The following LHFPL3 variants were observed in gnomAD, a reference collection of about 807,000 sequenced individuals.
The protein encoded by LHFPL3 is LHFPL tetraspan subfamily member 3 protein.
Under a neutral mutation model 19.3 loss-of-function variants are expected in LHFPL3, and 5 were observed. The ratio of observed to expected loss-of-function variants is 0.26; its 90% CI spans 0.14 to 0.54. LHFPL3 has a LOEUF of 0.54. Among genes scored for constraint, LHFPL3 ranks in the 20% least tolerant of loss-of-function variants. The pLI, the probability that LHFPL3 is intolerant of heterozygous loss-of-function variation, is 0.94. For synonymous variants in LHFPL3, 133 were observed against 126.2 expected, an observed-to-expected ratio of 1.05 and a Z score of -0.36; for missense variants, 249 against 307.4, an observed-to-expected ratio of 0.81 and a Z score of 1.42.
rs79368747 is a variant in LHFPL3, at chr7:104,716,813, T to C, written c.446-19862T>C. 4.6e-3 allele frequency among the ~76,000 whole-genome samples: 701 copies of C among 152,186 alleles called. 31 individuals carry two copies. In the East Asian group the frequency reaches 0.1, roughly 22 times the overall value. ...TCCCAGTGGCATTTTTTTACAAAAA[T>C]AGAAAAACCACTTATACAATTCACA... On this transcript the variant is annotated intron_variant, in intron 1 of 2. Coordinates refer to ENST00000424859, the MANE Select transcript of LHFPL3 (RefSeq NM_199000.3).
At chr7:104,548,665 A>G (rs1234478430) in intron 1 of LHFPL3, among the ~76,000 whole-genome samples, 2 of 152,226 alleles carry the variant, frequency 1.3e-5, no homozygotes, top group Non-Finnish European at 1.5e-5. Flanking sequence ...AAGGAGGGCT[A>G]TAGCTTGGCC....
chr7:104,738,054 C>G (rs4236574), intron 2 of LHFPL3, among the ~76,000 whole-genome samples: 46,389 of 151,948 alleles, frequency 0.31, 7,999 homozygotes, highest in East Asian at 0.77. Context: ...AGCAGCCCAG[C>G]AGAGCAGCAG....
chr7:104,668,472 C>A (rs1445964235), intron 1 of LHFPL3: 7 of 1,612,376 alleles, frequency 4.3e-6, no homozygotes. Flanking sequence ...GGATGGCCCA[C>A]GCCGGGATAT....
At chr7:104,864,929 T>C (rs1435398925) in intron 2 of LHFPL3, among the ~76,000 whole-genome samples, 2 of 152,178 alleles carry the variant, frequency 1.3e-5, no homozygotes, top group African/African-American at 4.8e-5. Context: ...ATATCCGCTG[T>C]TCTGCAGCCT....
chr7:104,697,980 G>C (rs1793028669), intron 1 of LHFPL3, among the ~76,000 whole-genome samples: 1 of 152,018 alleles, frequency 6.6e-6, no homozygotes, highest in Non-Finnish European at 1.5e-5. Flanking sequence ...TTATTCCCAG[G>C]TTTTCATGTT....
chr7:104,412,494 A>AATCATACTCACACATTATAGAG (rs1228049041), intron 1 of LHFPL3, among the ~76,000 whole-genome samples: 1 of 152,120 alleles, frequency 6.6e-6, no homozygotes, highest in African/African-American at 2.4e-5. Flanking sequence ...CAGATAGTGA[A>AATCATACTCACACATTATAGAG]ATCATACTCA....
intron 1 of LHFPL3, among the ~76,000 whole-genome samples, chr7:104,488,111 A>G (rs940223138): frequency 2.0e-5 from 3 of 152,104 alleles, no homozygotes; most frequent in Non-Finnish European, 4.4e-5. Flanking sequence ...AACGTCAGAA[A>G]ATGTATTTTT....
At chr7:104,730,731 C>A (rs1436146932) in intron 1 of LHFPL3, among the ~76,000 whole-genome samples, 1 of 152,202 alleles carries the variant, frequency 6.6e-6, no homozygotes, top group African/African-American at 2.4e-5. Flanking sequence ...TTTTGCTGTG[C>A]AGAAGCTCTT....
rs1562961817 is a variant in LHFPL3 at position 104,668,473 on chromosome 7, G to A, written c.446-68202G>A. Reference sequence around the variant, plus strand: ...CGGGATGGGTATCGGGATGGCCCACGCCGGGATATGGATCGATATGGTGGC... The same window carrying A: ...CGGGATGGGTATCGGGATGGCCCACACCGGGATATGGATCGATATGGTGGC... On this transcript the variant is annotated intron_variant, in intron 1 of 2. Transcript: ENST00000424859. 5.0e-6 allele frequency: 8 copies of A among 1,612,600 alleles called. No individual in the cohort carries two copies. The South Asian group carries it at 6.6e-5, about 13-fold the overall frequency.
chr7:104,375,287 G>A (rs1214546981), intron 1 of LHFPL3, among the ~76,000 whole-genome samples: 1 of 152,094 alleles, frequency 6.6e-6, no homozygotes, highest in Non-Finnish European at 1.5e-5. Flanking sequence ...GCAGTGAGCT[G>A]AGATCACACC....
intron 1 of LHFPL3, among the ~76,000 whole-genome samples, chr7:104,455,285 G>A (rs1792517930): frequency 6.6e-6 from 1 of 152,180 alleles, no homozygotes; most frequent in Non-Finnish European, 1.5e-5. Flanking sequence ...TCTACAACGT[G>A]CAAATTAGTT....
intron 1 of LHFPL3, among the ~76,000 whole-genome samples, chr7:104,567,654 C>A (rs1790149230): frequency 6.6e-6 from 1 of 152,128 alleles, no homozygotes; most frequent in South Asian, 2.1e-4. Context: ...GAGACACCAT[C>A]CACAGTGAAG....
Position 104,353,328 on chromosome 7 carries a change from T to C in LHFPL3, c.445+24104T>C, listed in dbSNP as rs578038749. Among the ~76,000 whole-genome samples the C allele has an allele frequency of 1.4e-4, 22 of 152,310 alleles. 2 individuals are homozygous for C. Among genetic ancestry groups the C allele is most frequent in the African/African-American group, 5.3e-4 (22 of 41,574 alleles). On this transcript the variant is annotated intron_variant, in intron 1 of 2. Transcript: ENST00000424859. ...TAGGGTACACCATGTTGCTGAGGTG[T>C]GATGTCAGATGAGACCACATGAGGA... is the stretch of plus-strand genomic sequence containing the variant.
At chr7:104,576,420 G>A (rs1417107171) in intron 1 of LHFPL3, among the ~76,000 whole-genome samples, 1 of 152,142 alleles carries the variant, frequency 6.6e-6, no homozygotes, top group Non-Finnish European at 1.5e-5. Flanking sequence ...TACTTAGATT[G>A]TATGTTCATT....
intron 1 of LHFPL3, among the ~76,000 whole-genome samples, chr7:104,538,998 T>C (rs532461426): frequency 2.9e-4 from 44 of 152,278 alleles, no homozygotes; most frequent in Middle Eastern, 3.4e-3. Context: ...GTTTTGAAGT[T>C]GGAGGAAATT....
intron 1 of LHFPL3, among the ~76,000 whole-genome samples, chr7:104,341,489 C>T (rs1265731681): frequency 6.6e-6 from 1 of 152,174 alleles, no homozygotes; most frequent in Admixed American, 6.5e-5. Context: ...CATCCAAATT[C>T]CTTTTGTGGT....
chr7:104,563,543 G>T (rs911039375), intron 1 of LHFPL3, among the ~76,000 whole-genome samples: 1 of 152,204 alleles, frequency 6.6e-6, no homozygotes, highest in Non-Finnish European at 1.5e-5. Context: ...GCTTCGGCTC[G>T]CGCACGGTGC....
chr7:104,586,690 A>G (rs767361203), intron 1 of LHFPL3, among the ~76,000 whole-genome samples: 7 of 152,170 alleles, frequency 4.6e-5, no homozygotes, highest in Non-Finnish European at 5.9e-5. Flanking sequence ...AGCATTGTCT[A>G]CACACTGAAT....
chr7:104,390,772 A>G (rs1415818910), intron 1 of LHFPL3, among the ~76,000 whole-genome samples: 1 of 152,226 alleles, frequency 6.6e-6, no homozygotes, highest in Non-Finnish European at 1.5e-5. Flanking sequence ...GTCTTCCACA[A>G]TGGCTGAAGT....
Sources: gnomAD v4.1 joint callset for allele counts (sites outside exome capture counted in the v4.1 genomes callset) on GRCh38, gnomAD v4.1.1 for gene constraint, MANE v1.5 for transcripts, NCBI Gene and HGNC (gene_info 2026-07-23, HGNC 2026-07-21) for gene names.